The following VSTM2A variants were observed in gnomAD, a reference collection of about 807,000 sequenced individuals.
The protein encoded by VSTM2A is V-set and transmembrane domain containing 2A.
VSTM2A carries 13 observed loss-of-function variants against 27.3 expected under a neutral mutation model. The ratio of observed to expected loss-of-function variants is 0.48; its 90% CI spans 0.31 to 0.76. The LOEUF (loss-of-function observed/expected upper bound fraction) is 0.76. Ranked by LOEUF, VSTM2A falls within the 30% of genes least tolerant of loss-of-function variation. The pLI is 0.05. For missense variants in VSTM2A, 280 were observed against 310.0 expected, an observed-to-expected ratio of 0.90 and a Z score of 0.73; for synonymous variants, 142 against 125.7, an observed-to-expected ratio of 1.13 and a Z score of -0.87.
chr7:54,548,844 G>T lies in VSTM2A; in HGVS notation c.298-990G>T, dbSNP rs538598486. On this transcript the variant is annotated intron_variant, in intron 3 of 4. Coordinates refer to ENST00000402613, the MANE Select transcript of VSTM2A (RefSeq NM_001301009.2). Reference sequence around the variant, plus strand: ...TTTATGGCCGTTTGAAAGTGTAGTGGCCATTAGCAGAAAAAATAACTTTCG... The same window carrying T: ...TTTATGGCCGTTTGAAAGTGTAGTGTCCATTAGCAGAAAAAATAACTTTCG... Among the ~76,000 whole-genome samples, 4 of 151,916 alleles carry T rather than the reference G, an allele frequency of 2.6e-5. No homozygotes were observed. In the South Asian group the frequency reaches 8.3e-4, roughly 32 times the overall value.
intron 2 of VSTM2A, chr7:54,546,690 G>T: frequency 2.6e-6 from 1 of 377,568 alleles, no homozygotes; most frequent in South Asian, 4.6e-5. Context: ...CCGGGACAGC[G>T]CCGGGACAGC....
chr7:54,552,709 A>G (rs1417082704), intron 4 of VSTM2A, among the ~76,000 whole-genome samples: 1 of 152,222 alleles, frequency 6.6e-6, no homozygotes, highest in African/African-American at 2.4e-5. Flanking sequence ...TTATTTCATT[A>G]TTCTATGAAA....
intron 4 of VSTM2A, among the ~76,000 whole-genome samples, chr7:54,564,689 TG>T: frequency 6.6e-6 from 1 of 152,314 alleles, no homozygotes; most frequent in South Asian, 2.1e-4. Flanking sequence ...GACCCATCAA[TG>T]TAAACTTTCC....
At chr7:54,545,335 G>A (rs1787913773) in intron 2 of VSTM2A, among the ~76,000 whole-genome samples, 1 of 149,830 alleles carries the variant, frequency 6.7e-6, no homozygotes, top group South Asian at 2.2e-4. Flanking sequence ...AGGAGGGAGA[G>A]AAGGAGAGAA....
rs1208794692 is a variant in VSTM2A at position 54,542,737 on chromosome 7, G to C, written c.7G>C (p.Gly3Arg). Residue 3 changes from glycine (G) to arginine (R), a missense_variant, in exon 1 of 5, where the codon GGG (glycine) becomes CGG (arginine). Physicochemically the swap from Gly to Arg is moderately radical, Grantham distance 125. Coordinates refer to ENST00000402613, the MANE Select transcript of VSTM2A (RefSeq NM_001301009.2). MM[G>R]IFLVYVGFVF... Reference sequence around the variant, plus strand: ...ACCCCCCTCCCTTTTTGGAATGATGGGGATCTTTTTGGTGTATGTTGGATT... The same window carrying C: ...ACCCCCCTCCCTTTTTGGAATGATGCGGATCTTTTTGGTGTATGTTGGATT... The C allele has an allele frequency of 6.2e-7, 1 of 1,613,532 alleles. No homozygotes were observed. Among genetic ancestry groups the C allele is most frequent in the South Asian group, 1.1e-5 (1 of 91,024 alleles).
chr7:54,553,567 A>G (rs766906434), intron 4 of VSTM2A, among the ~76,000 whole-genome samples: 1 of 152,228 alleles, frequency 6.6e-6, no homozygotes, highest in Non-Finnish European at 1.5e-5. Context: ...GAAATGTTCT[A>G]TAGATGTTCT....
At chr7:54,564,752 AAAG>A (rs1416555404) in intron 4 of VSTM2A, among the ~76,000 whole-genome samples, 2 of 152,220 alleles carry the variant, frequency 1.3e-5, no homozygotes, top group Non-Finnish European at 1.5e-5. Context: ...AGGTTTTTGA[AAAG>A]AAGAAGGAAT....
At position 54,568,836 on chromosome 7, in the gene VSTM2A, G is replaced by A. The variant is rs1374346072; in HGVS notation, c.635-295G>A. ...CAAAACAAACAACACCAACTTCCTG[G>A]GACTGAAATCCTTTGTATGTGTTGT... On this transcript the variant is annotated intron_variant, in intron 4 of 4. Transcript: ENST00000402613. Among the ~76,000 whole-genome samples the A allele has an allele frequency of 3.9e-5, 6 of 152,246 alleles. No homozygotes were observed. The East Asian group carries it at 1.2e-3, about 29-fold the overall frequency.
chr7:54,544,766 G>A lies in VSTM2A; in HGVS notation c.224G>A (p.Gly75Glu), dbSNP rs1300893335. The A allele has an allele frequency of 1.2e-6, 2 of 1,609,234 alleles. No individual in the cohort carries two copies. Among genetic ancestry groups the A allele is most frequent in the Non-Finnish European group, 1.7e-6 (2 of 1,178,270 alleles). Reference protein sequence around the residue: ...FLRGPEDLDPGAEGAGAQVEL... With the variant: ...FLRGPEDLDPEAEGAGAQVEL... ...CGGGGGCCGGAGGACCTGGATCCCG[G>A]GGCCGAGGGGGCCGGCGCGCAGGTA... The change falls in exon 2 of 5, where the codon GGG (glycine) becomes GAG (glutamate). Residue 75 changes from glycine to glutamate, a missense_variant. Gly to Glu is a moderately conservative substitution (Grantham distance 98, BLOSUM62 -2). Coordinates refer to ENST00000402613, the MANE Select transcript of VSTM2A (RefSeq NM_001301009.2).
intron 4 of VSTM2A, among the ~76,000 whole-genome samples, chr7:54,553,616 G>C (rs964763993): frequency 6.6e-6 from 1 of 152,158 alleles, no homozygotes; most frequent in Non-Finnish European, 1.5e-5. Context: ...AGGAGTCAGG[G>C]AGGGCAACCT....
At chr7:54,556,888 G>C (rs923135405) in intron 4 of VSTM2A, 1 of 152,176 alleles carries the variant, frequency 6.6e-6, no homozygotes, top group Admixed American at 6.5e-5. Flanking sequence ...GTGACTACTA[G>C]TTCCTCTGTA....
At chr7:54,564,039 C>T (rs1176744771) in intron 4 of VSTM2A, among the ~76,000 whole-genome samples, 4 of 152,088 alleles carry the variant, frequency 2.6e-5, no homozygotes, top group South Asian at 4.1e-4. Context: ...TCTCACACAG[C>T]GATTTTCATT....
chr7:54,562,004 A>G (rs1348296624), intron 4 of VSTM2A, among the ~76,000 whole-genome samples: 1 of 151,928 alleles, frequency 6.6e-6, no homozygotes, highest in East Asian at 1.9e-4. Context: ...GGCTCACTGC[A>G]AGCTCCACCT....
intron 3 of VSTM2A, among the ~76,000 whole-genome samples, chr7:54,547,751 C>T (rs1266829689): frequency 6.6e-6 from 1 of 152,078 alleles, no homozygotes; most frequent in Admixed American, 6.5e-5. Flanking sequence ...TAAGCATAAA[C>T]ATATTGTTAT....
intron 4 of VSTM2A, among the ~76,000 whole-genome samples, chr7:54,566,854 T>A (rs1788740183): frequency 6.6e-6 from 1 of 152,212 alleles, no homozygotes; most frequent in Non-Finnish European, 1.5e-5. Context: ...TTTCTGTCTT[T>A]AAAATGAGCA....
chr7:54,549,050 A>AAT (rs1219694136), intron 3 of VSTM2A, among the ~76,000 whole-genome samples: 4 of 150,498 alleles, frequency 2.7e-5, no homozygotes, highest in East Asian at 1.9e-4. Flanking sequence ...TCATATATCT[A>AAT]ATATATATAT....
At chr7:54,551,412 A>G (rs936544890) in intron 4 of VSTM2A, 3 of 151,350 alleles carry the variant, frequency 2.0e-5, no homozygotes, top group Non-Finnish European at 2.9e-5. Context: ...GCCCTGCCTT[A>G]TAATGTAGAT....
At chr7:54,550,887 C>T (rs547436132) in intron 4 of VSTM2A, 1 of 152,506 alleles carries the variant, frequency 6.6e-6, no homozygotes, top group South Asian at 2.1e-4. Flanking sequence ...GGGATAAAGG[C>T]TTCGTGGAAT....
At chr7:54,546,761 G>A (rs111299654) in intron 2 of VSTM2A, 186 bp from the exon 3 acceptor site, 81,713 of 590,338 alleles carry the variant, frequency 0.14, 6,387 homozygotes, top group Non-Finnish European at 0.16. Context: ...ACAGCGTGGG[G>A]TATGCCAGGG....
Sources: gnomAD v4.1 joint callset for allele counts (sites outside exome capture counted in the v4.1 genomes callset) on GRCh38, gnomAD v4.1.1 for gene constraint, MANE v1.5 for transcripts, NCBI Gene and HGNC (gene_info 2026-07-23, HGNC 2026-07-21) for gene names.